The following CCSER1 variants were observed in gnomAD, a reference collection of about 807,000 sequenced individuals.
CCSER1 encodes coiled-coil serine rich protein 1.
CCSER1 carries 41 observed loss-of-function variants against 82.0 expected under a neutral mutation model. The observed-to-expected ratio is 0.50, with a 90% CI of 0.39 to 0.65. The LOEUF is 0.65. CCSER1 is among the 30% of genes least tolerant of loss of function. The pLI, the probability that CCSER1 is intolerant of heterozygous loss-of-function variation, is 0.00. For missense variants in CCSER1, 1,119 were observed against 1,064.2 expected, an observed-to-expected ratio of 1.05 and a Z score of -0.72; for synonymous variants, 414 against 383.9, an observed-to-expected ratio of 1.08 and a Z score of -0.92.
chr4:91,561,094 T>A (rs962204348), intron 10 of CCSER1, among the ~76,000 whole-genome samples: 2 of 151,450 alleles, frequency 1.3e-5, no homozygotes, highest in African/African-American at 4.8e-5. Flanking sequence ...AACAATAGCC[T>A]ACTATTCTCA....
At chr4:90,634,361 A>G (rs956313294) in intron 6 of CCSER1, among the ~76,000 whole-genome samples, 2 of 151,768 alleles carry the variant, frequency 1.3e-5, no homozygotes, top group African/African-American at 4.8e-5. Context: ...TCTACTACCT[A>G]ATAGTTCAAA....
At position 90,403,227 on chromosome 4, in the gene CCSER1, C is replaced by T. The variant is rs549724582; in HGVS notation, c.1603+3098C>T. Among the ~76,000 whole-genome samples the T allele has an allele frequency of 2.4e-4, 37 of 152,088 alleles. No individual in the cohort carries two copies. In the East Asian group the frequency reaches 3.3e-3, roughly 14 times the overall value. On this transcript the variant is annotated intron_variant, in intron 4 of 10. Transcript: ENST00000509176. ...TAAAGACCTCAGATTAGGCCGGGCG[C>T]GGTGGCTCACGCCTGTAATCCCAGC...
intron 1 of CCSER1, among the ~76,000 whole-genome samples, chr4:90,154,333 T>C (rs1727576833): frequency 6.6e-6 from 1 of 152,224 alleles, no homozygotes; most frequent in Admixed American, 6.5e-5. Flanking sequence ...GCTTTGTTCT[T>C]TTGGCTTAGG....
At chr4:91,062,027 GCT>G (rs1025555608) in intron 9 of CCSER1, among the ~76,000 whole-genome samples, 4 of 149,708 alleles carry the variant, frequency 2.7e-5, no homozygotes, top group Non-Finnish European at 6.0e-5. Flanking sequence ...ATTTCTGCAT[GCT>G]CTCTCTCTCT....
intron 3 of CCSER1, among the ~76,000 whole-genome samples, chr4:90,375,158 A>G (rs74853888): frequency 0.015 from 2,236 of 152,242 alleles, 75 homozygotes; most frequent in African/African-American, 0.051. Context: ...GGGACTCAAA[A>G]CTTAATTCTA....
intron 10 of CCSER1, among the ~76,000 whole-genome samples, chr4:91,164,891 G>A (rs868166447): frequency 6.6e-5 from 10 of 152,106 alleles, no homozygotes; most frequent in African/African-American, 1.9e-4. Context: ...CCTTTAGCTC[G>A]AAGAAGTTTG....
intron 10 of CCSER1, among the ~76,000 whole-genome samples, chr4:91,474,631 G>T (rs997420828): frequency 2.6e-5 from 4 of 151,218 alleles, no homozygotes; most frequent in Non-Finnish European, 5.9e-5. Flanking sequence ...CTCATGATGG[G>T]ATATGTTGCA....
chr4:91,199,968 A>G (rs1735776725), intron 10 of CCSER1, among the ~76,000 whole-genome samples: 1 of 152,068 alleles, frequency 6.6e-6, no homozygotes, highest in Non-Finnish European at 1.5e-5. Flanking sequence ...TCAGATTCAG[A>G]GAATTGTCTT....
At chr4:90,337,201 G>C (rs1449545121) in intron 3 of CCSER1, among the ~76,000 whole-genome samples, 1 of 152,132 alleles carries the variant, frequency 6.6e-6, no homozygotes, top group East Asian at 1.9e-4. Context: ...GTGGGAACAG[G>C]GCCTCAACTG....
intron 9 of CCSER1, among the ~76,000 whole-genome samples, chr4:90,933,333 G>T (rs895783454): frequency 6.6e-6 from 1 of 151,282 alleles, no homozygotes; most frequent in African/African-American, 2.4e-5. Context: ...GACTACAGGC[G>T]CCCGCCACCA....
intron 9 of CCSER1, among the ~76,000 whole-genome samples, chr4:91,021,888 G>T (rs1019026372): frequency 1.1e-4 from 16 of 152,040 alleles, no homozygotes; most frequent in South Asian, 6.2e-4. Flanking sequence ...ATATCTATAT[G>T]CATAAACAAA....
At chr4:90,522,302 T>G (rs2153625635) in intron 5 of CCSER1, among the ~76,000 whole-genome samples, 1 of 152,284 alleles carries the variant, frequency 6.6e-6, no homozygotes, top group South Asian at 2.1e-4. Flanking sequence ...GTCACTACAT[T>G]TTGTAGGTTC....
intron 10 of CCSER1, among the ~76,000 whole-genome samples, chr4:91,591,594 C>T (rs1296966565): frequency 6.6e-6 from 1 of 152,086 alleles, no homozygotes; most frequent in Non-Finnish European, 1.5e-5. Context: ...CTTGCTACTA[C>T]TACTAAATTA....
rs982736693 is a variant in CCSER1, at chr4:91,555,032, G to A, written c.2218-43540G>A. Among the ~76,000 whole-genome samples the A allele has an allele frequency of 4.6e-5, 7 of 151,260 alleles. No homozygotes were observed. In the South Asian group the frequency reaches 1.5e-3, roughly 31 times the overall value. ...TTATCTCATGCCATATGTAAAAATTGACTCAAATTGGATTAAAAACTCAAA... is the reference window on the plus strand; with the variant it reads ...TTATCTCATGCCATATGTAAAAATTAACTCAAATTGGATTAAAAACTCAAA... On this transcript the variant is annotated intron_variant, in intron 10 of 10. Coordinates refer to ENST00000509176, the MANE Select transcript of CCSER1 (RefSeq NM_001145065.2).
At chr4:90,408,736 C>T (rs1444135891) in intron 4 of CCSER1, among the ~76,000 whole-genome samples, 1 of 152,198 alleles carries the variant, frequency 6.6e-6, no homozygotes, top group Non-Finnish European at 1.5e-5. Flanking sequence ...TCTCCTCCTC[C>T]AAAGGAATGC....
At chr4:90,660,358 A>G (rs1231125888) in intron 6 of CCSER1, among the ~76,000 whole-genome samples, 1 of 152,106 alleles carries the variant, frequency 6.6e-6, no homozygotes, top group African/African-American at 2.4e-5. Flanking sequence ...CCATAAAAAG[A>G]AGGAAATCAT....
chr4:90,438,587 C>A (rs1759388433), intron 4 of CCSER1, among the ~76,000 whole-genome samples: 2 of 152,068 alleles, frequency 1.3e-5, no homozygotes, highest in Non-Finnish European at 2.9e-5. Context: ...CTAAATCATG[C>A]ACTTAGACAA....
intron 5 of CCSER1, among the ~76,000 whole-genome samples, chr4:90,509,982 G>A (rs2153616364): frequency 6.6e-6 from 1 of 152,188 alleles, no homozygotes; most frequent in Non-Finnish European, 1.5e-5. Context: ...GTGTCTAAAA[G>A]CAATTAATGC....
At position 90,969,470 on chromosome 4, in the gene CCSER1, G is replaced by C. The variant is rs1018964243; in HGVS notation, c.2172+46023G>C. Reference sequence around the variant, plus strand: ...CTATTAGATGATTTCTCAGCAGAAAGCTTCCAGTCTAGGAGAGTGAGATAA... The same window carrying C: ...CTATTAGATGATTTCTCAGCAGAAACCTTCCAGTCTAGGAGAGTGAGATAA... On this transcript the variant is annotated intron_variant, in intron 9 of 10. Transcript: ENST00000509176. Among the ~76,000 whole-genome samples the C allele has an allele frequency of 4.6e-5, 7 of 152,080 alleles. No homozygotes were observed. In the Middle Eastern group the frequency reaches 0.014, roughly 296 times the overall value.
Sources: gnomAD v4.1 joint callset for allele counts (sites outside exome capture counted in the v4.1 genomes callset) on GRCh38, gnomAD v4.1.1 for gene constraint, MANE v1.5 for transcripts, NCBI Gene and HGNC (gene_info 2026-07-23, HGNC 2026-07-21) for gene names.